The following ALPK1 variants were observed in gnomAD, a reference collection of about 807,000 sequenced individuals.
The protein encoded by ALPK1 is alpha kinase 1, also known as alpha-protein kinase 1.
Under a neutral mutation model 120.6 loss-of-function variants are expected in ALPK1, and 110 were observed. That is an observed-to-expected ratio of 0.91 (90% CI 0.78 to 1.07). The LOEUF (loss-of-function observed/expected upper bound fraction) is 1.07, where lower values mean the gene tolerates loss of function less well. ALPK1 is among the 50% of genes least tolerant of loss of function. The pLI is 0.00. For missense variants in ALPK1, 1,498 were observed against 1,483.9 expected (o/e 1.01, Z -0.16); for synonymous variants, 582 against 560.3 (o/e 1.04, Z -0.55).
intron 2 of ALPK1, among the ~76,000 whole-genome samples, chr4:112,367,856 C>G (rs1560656077): frequency 6.6e-6 from 1 of 152,092 alleles, no homozygotes; most frequent in Non-Finnish European, 1.5e-5. Context: ...GTGATATATT[C>G]TGATTTATTA....
intron 1 of ALPK1, among the ~76,000 whole-genome samples, chr4:112,315,434 C>G (rs17589528): frequency 0.073 from 11,062 of 152,254 alleles, 690 homozygotes; most frequent in Admixed American, 0.21. Flanking sequence ...CTGATAGTTT[C>G]ATACTCTGAT....
At chr4:112,345,360 G>A (rs1380978593) in intron 2 of ALPK1, among the ~76,000 whole-genome samples, 2 of 152,216 alleles carry the variant, frequency 1.3e-5, no homozygotes, top group African/African-American at 4.8e-5. Context: ...ATTACATGAT[G>A]TGGATGTGGG....
At chr4:112,332,261 T>G (rs571594271) in intron 2 of ALPK1, among the ~76,000 whole-genome samples, 16 of 152,352 alleles carry the variant, frequency 1.1e-4, no homozygotes, top group Non-Finnish European at 2.1e-4. Context: ...TTAATTTGCC[T>G]GTATAATACT....
chr4:112,419,942 G>A (rs957208997), intron 5 of ALPK1, among the ~76,000 whole-genome samples: 2 of 152,210 alleles, frequency 1.3e-5, no homozygotes, highest in African/African-American at 4.8e-5. Context: ...GTAATAAACG[G>A]TAGCTCTTAT....
At chr4:112,379,999 A>T (rs192001201) in intron 3 of ALPK1, among the ~76,000 whole-genome samples, 395 of 152,342 alleles carry the variant, frequency 2.6e-3, no homozygotes, top group Non-Finnish European at 4.4e-3. Flanking sequence ...CCAAAGTGTG[A>T]TAAAATTCTA....
intron 4 of ALPK1, among the ~76,000 whole-genome samples, chr4:112,396,723 C>T (rs1732666065): frequency 6.6e-6 from 1 of 152,060 alleles, no homozygotes; most frequent in African/African-American, 2.4e-5. Context: ...AGCTAGGCAC[C>T]TTACATGTAC....
chr4:112,358,628 G>A (rs1381955283), intron 2 of ALPK1: 4 of 720,176 alleles, frequency 5.6e-6, no homozygotes, highest in Non-Finnish European at 9.8e-6. Flanking sequence ...GTGGGCTGGG[G>A]GGCCCTGGCG....
At chr4:112,421,061 G>C (rs1333281827) in intron 5 of ALPK1, among the ~76,000 whole-genome samples, 2 of 152,072 alleles carry the variant, frequency 1.3e-5, no homozygotes, top group East Asian at 3.9e-4. Context: ...TCGAACTCCT[G>C]ACCTCAGGTG....
At chr4:112,394,612 A>T (rs1014697337) in intron 4 of ALPK1, among the ~76,000 whole-genome samples, 1 of 152,178 alleles carries the variant, frequency 6.6e-6, no homozygotes, top group Non-Finnish European at 1.5e-5. Flanking sequence ...CTGCCCTTTT[A>T]ATATAGTACT....
At chr4:112,300,842 C>A (rs1397042233) in intron 1 of ALPK1, among the ~76,000 whole-genome samples, 1 of 152,066 alleles carries the variant, frequency 6.6e-6, no homozygotes, top group African/African-American at 2.4e-5. Context: ...TACTTATATT[C>A]AATTTTGTCA....
chr4:112,299,788 C>T (rs1023203918), intron 1 of ALPK1, among the ~76,000 whole-genome samples: 20 of 152,020 alleles, frequency 1.3e-4, no homozygotes, highest in Admixed American at 1.1e-3. Context: ...TATATTTCCT[C>T]GTAAATTATC....
rs528185911 is a variant in ALPK1 at position 112,375,205 on chromosome 4, G to A, written c.-100-2473G>A. Among the ~76,000 whole-genome samples, 661 of 141,544 alleles carry A rather than the reference G, an allele frequency of 4.7e-3. 2 individuals are homozygous for A. Among genetic ancestry groups the A allele is most frequent in the Non-Finnish European group, 7.5e-3 (499 of 66,362 alleles). The allele number at this position is 141,544 out of a possible 152,430, so 92.9% of individuals were successfully genotyped here. A position where few individuals can be genotyped will look rare whatever the true frequency, so the allele number is the denominator to read the frequency against. On this transcript the variant is annotated intron_variant, in intron 2 of 15. Transcript: ENST00000650871. ...CTTTTTTTTTTTTTTTTTTGAGACA[G>A]AGACTTGCTATGTCACTCAGCCGGA... is the stretch of plus-strand genomic sequence containing the variant.
At chr4:112,301,034 T>C (rs1727763910) in intron 1 of ALPK1, among the ~76,000 whole-genome samples, 1 of 152,136 alleles carries the variant, frequency 6.6e-6, no homozygotes, top group South Asian at 2.1e-4. Context: ...AATTACCTTT[T>C]TTTCTACAAA....
intron 2 of ALPK1, chr4:112,359,073 C>G: frequency 1.3e-6 from 1 of 752,332 alleles, no homozygotes; most frequent in South Asian, 1.3e-5. Flanking sequence ...AGCCCTGGAC[C>G]CCACTGGAAG....
intron 1 of ALPK1, among the ~76,000 whole-genome samples, chr4:112,305,899 T>C (rs1728028680): frequency 6.6e-6 from 1 of 152,050 alleles, no homozygotes; most frequent in Non-Finnish European, 1.5e-5. Flanking sequence ...CATAGATAGC[T>C]CTTATTATTT....
intron 2 of ALPK1, among the ~76,000 whole-genome samples, chr4:112,361,674 G>A (rs894318806): frequency 6.6e-6 from 1 of 152,222 alleles, no homozygotes; most frequent in African/African-American, 2.4e-5. Flanking sequence ...CTTGAGAGCT[G>A]TATGGCTCCA....
At chr4:112,330,684 A>G (rs1729330227) in intron 2 of ALPK1, among the ~76,000 whole-genome samples, 1 of 152,206 alleles carries the variant, frequency 6.6e-6, no homozygotes, top group South Asian at 2.1e-4. Context: ...TCTCTATACC[A>G]GTACCCATGC....
At chr4:112,345,619 T>C (rs561680382) in intron 2 of ALPK1, among the ~76,000 whole-genome samples, 97 of 152,326 alleles carry the variant, frequency 6.4e-4, no homozygotes, top group Non-Finnish European at 1.0e-3. Context: ...CCATTCCTTT[T>C]TGTTGGGGTC....
chr4:112,380,858 A>T (rs1462645224), intron 3 of ALPK1, among the ~76,000 whole-genome samples: 1 of 152,208 alleles, frequency 6.6e-6, no homozygotes, highest in Non-Finnish European at 1.5e-5. Flanking sequence ...AAATAGTTAC[A>T]GAGCAGTGGG....
Sources: gnomAD v4.1 joint callset for allele counts (sites outside exome capture counted in the v4.1 genomes callset) on GRCh38, gnomAD v4.1.1 for gene constraint, MANE v1.5 for transcripts, NCBI Gene and HGNC (gene_info 2026-07-23, HGNC 2026-07-21) for gene names.